The following IRAG1 variants were observed in gnomAD, a reference collection of about 807,000 sequenced individuals.
The protein encoded by IRAG1 is inositol 1,4,5-triphosphate receptor associated 1.
In IRAG1, 62 loss-of-function variants were observed where a neutral mutation model predicts 106.2. The observed-to-expected ratio is 0.58, with a 90% CI of 0.48 to 0.72. The LOEUF (loss-of-function observed/expected upper bound fraction) is 0.72. IRAG1 is among the 30% of genes least tolerant of loss of function. The pLI, the probability that IRAG1 is intolerant of heterozygous loss-of-function variation, is 0.00. For synonymous variants in IRAG1, 462 were observed against 443.9 expected (o/e 1.04, Z -0.51); for missense variants, 1,064 against 1,140.7 (o/e 0.93, Z 0.97).
chr11:10,646,285 C>T (rs1169598701), intron 2 of IRAG1, among the ~76,000 whole-genome samples: 1 of 152,248 alleles, frequency 6.6e-6, no homozygotes, highest in Non-Finnish European at 1.5e-5. Flanking sequence ...TGGAAAAACA[C>T]AGTATGTGTT....
intron 4 of IRAG1, 96 bp from the exon 5 acceptor site, chr11:10,629,807 A>G (rs1856550085): frequency 1.5e-6 from 2 of 1,328,048 alleles, no homozygotes; most frequent in Admixed American, 2.4e-5. Flanking sequence ...GACTCTGCCC[A>G]CAGCTGACCC....
In IRAG1 at chr11:10,627,766, G is replaced by T. The variant is rs181173947; in HGVS notation, c.706-6C>A. 6.2e-7 allele frequency: 1 copy of T among 1,613,958 alleles called. No homozygotes were observed. Among genetic ancestry groups the T allele is most frequent in the East Asian group, 2.2e-5 (1 of 44,878 alleles). On this transcript the variant is annotated splice_polypyrimidine_tract_variant and splice_region_variant and intron_variant, in intron 7 of 20. Transcript: ENST00000423302. ...ACGTCGGCCTCATCCCCCTTCTGCT[G>T]GAGAAGGTGAACAGGAGTCAGTCAG...
chr11:10,600,092 G>A (rs1853811579), intron 15 of IRAG1, among the ~76,000 whole-genome samples: 1 of 152,242 alleles, frequency 6.6e-6, no homozygotes, highest in Admixed American at 6.5e-5. Context: ...TGTCCATGCT[G>A]GTTTCTCCAC....
At chr11:10,635,025 G>C (rs1564920755) in intron 2 of IRAG1, among the ~76,000 whole-genome samples, 1 of 152,106 alleles carries the variant, frequency 6.6e-6, no homozygotes, top group Admixed American at 6.6e-5. Context: ...AGCTATCCCT[G>C]GTTAGTTCTC....
At chr11:10,613,300 G>C (rs910239295) in intron 10 of IRAG1, among the ~76,000 whole-genome samples, 2 of 149,574 alleles carry the variant, frequency 1.3e-5, no homozygotes, top group African/African-American at 4.9e-5. Flanking sequence ...ACATGGGAAA[G>C]TGAAGATTAA....
chr11:10,617,395 A>G (rs999199626), intron 10 of IRAG1, among the ~76,000 whole-genome samples: 1 of 152,202 alleles, frequency 6.6e-6, no homozygotes, highest in Admixed American at 6.5e-5. Context: ...TTTGAAATTA[A>G]AAGTATTAGA....
At chr11:10,641,407 A>G (rs965514329) in intron 2 of IRAG1, among the ~76,000 whole-genome samples, 14 of 152,208 alleles carry the variant, frequency 9.2e-5, no homozygotes, top group African/African-American at 3.4e-4. Context: ...GGCGCAATGG[A>G]GCATCTCTCC....
chr11:10,584,266 C>T (rs1564889997), intron 18 of IRAG1, among the ~76,000 whole-genome samples: 1 of 152,172 alleles, frequency 6.6e-6, no homozygotes, highest in Admixed American at 6.5e-5. Context: ...AGCCTTGTAT[C>T]TTCTCCTCAT....
At chr11:10,600,316 G>A (rs1050543666) in intron 15 of IRAG1, among the ~76,000 whole-genome samples, 30 of 152,110 alleles carry the variant, frequency 2.0e-4, no homozygotes, top group African/African-American at 5.8e-4. Flanking sequence ...GTTTTTCTCC[G>A]TAACATCTCC....
intron 8 of IRAG1, 76 bp downstream of exon 8, chr11:10,627,640 A>C: frequency 6.5e-7 from 1 of 1,534,386 alleles, no homozygotes; most frequent in Non-Finnish European, 9.0e-7. Flanking sequence ...AAGGCTGCCC[A>C]GGAGCCAGCC....
chr11:10,618,005 A>T (rs1855557627), intron 10 of IRAG1, among the ~76,000 whole-genome samples: 1 of 152,298 alleles, frequency 6.6e-6, no homozygotes, highest in East Asian at 1.9e-4. Flanking sequence ...TTCTCTTTCC[A>T]AAGTGTCCTA....
chr11:10,648,981 G>C (rs1284973143), intron 2 of IRAG1, among the ~76,000 whole-genome samples: 1 of 152,186 alleles, frequency 6.6e-6, no homozygotes, highest in African/African-American at 2.4e-5. Flanking sequence ...TGTAAACTTA[G>C]AAGGATGCTC....
Position 10,628,733 on chromosome 11 carries a change from C to G in IRAG1, c.652+18G>C. 6.6e-7 allele frequency: 1 copy of G among 1,519,338 alleles called. No individual in the cohort carries two copies. The highest frequency in any genetic ancestry group is 8.8e-7 in the Non-Finnish European group (1 of 1,138,298). 94.1% of individuals were successfully genotyped at this position (1,519,338 alleles called of 1,614,324 possible). On this transcript the variant is annotated intron_variant, in intron 6 of 20. Transcript: ENST00000423302. This position sits in a 1 kb window ranked among gnomAD's most constrained non-coding sequence, Gnocchi z 4.1. ...AGCGAGAGGCAGGGCAGGAAGTCCC[C>G]GGGCAGCTGGGCCTCACCTGGCGGG... is the stretch of plus-strand genomic sequence containing the variant.
intron 1 of IRAG1, among the ~76,000 whole-genome samples, chr11:10,669,733 C>G (rs191987053): frequency 2.0e-4 from 30 of 152,258 alleles, no homozygotes; most frequent in African/African-American, 7.0e-4. Flanking sequence ...GTAGTTCCCC[C>G]CCTTACCCTT....
At chr11:10,626,922 C>T (rs1296128989) in intron 8 of IRAG1, among the ~76,000 whole-genome samples, 1 of 152,198 alleles carries the variant, frequency 6.6e-6, no homozygotes, top group Non-Finnish European at 1.5e-5. Context: ...CTTAGGGACC[C>T]AGGTTTGTGA....
Position 10,633,996 on chromosome 11 carries a change from C to T in IRAG1, c.301G>A (p.Gly101Arg), listed in dbSNP as rs1856941635. The change falls in exon 3 of 21, where the codon GGA becomes AGA. Residue 101 changes from glycine to arginine, a missense_variant. By Grantham distance (125) the Gly-to-Arg change is moderately radical. Transcript: ENST00000423302. ...TTGGCCAGGTTTTTGTCGGTTTCTC[C>T]TTCTGGTGAAGTGGCATCCCCAGTC... ...VLTGDATSPE[G>R]ETDKNLANRV... The T allele has an allele frequency of 6.2e-7, 1 of 1,612,136 alleles. No homozygotes were observed. Among genetic ancestry groups the T allele is most frequent in the African/African-American group, 1.3e-5 (1 of 74,866 alleles).
chr11:10,594,055 A>G, intron 16 of IRAG1, 91 bp downstream of exon 16: 1 of 1,238,182 alleles, frequency 8.1e-7, no homozygotes, highest in Non-Finnish European at 1.1e-6. Context: ...TCTGGCATCC[A>G]TGGATCCCAG....
intron 10 of IRAG1, chr11:10,611,671 A>C (rs1418070734): frequency 2.6e-5 from 4 of 152,234 alleles, no homozygotes; most frequent in Admixed American, 2.6e-4. Context: ...AGAAAGAATA[A>C]AAATTACTAG....
intron 10 of IRAG1, among the ~76,000 whole-genome samples, chr11:10,610,402 G>C (rs543595374): frequency 6.6e-6 from 1 of 152,336 alleles, no homozygotes; most frequent in South Asian, 2.1e-4. Context: ...ATGCCTCCTA[G>C]TCAACAGAGA....
Sources: allele counts gnomAD v4.1 joint callset (sites outside exome capture counted in the v4.1 genomes callset), GRCh38; gene constraint gnomAD v4.1.1; non-coding constraint Gnocchi (gnomAD v3.1); transcripts MANE v1.5; gene names NCBI Gene and HGNC (gene_info 2026-07-23, HGNC 2026-07-21).